The following TASP1 variants were observed in gnomAD, a reference collection of about 807,000 sequenced individuals.
The protein encoded by TASP1 is threonine aspartase 1.
Under a neutral mutation model 56.6 loss-of-function variants are expected in TASP1, and 16 were observed. The observed-to-expected ratio is 0.28, with a 90% CI of 0.19 to 0.43. The LOEUF is 0.43. Ranked by LOEUF, TASP1 falls within the 20% of genes least tolerant of loss-of-function variation. The pLI is 1.00. For synonymous variants in TASP1, 179 were observed against 184.2 expected (o/e 0.97, Z 0.23); for missense variants, 393 against 511.6 (o/e 0.77, Z 2.24).
intron 9 of TASP1, among the ~76,000 whole-genome samples, chr20:13,531,028 T>C (rs2146875884): frequency 6.6e-6 from 1 of 152,302 alleles, no homozygotes; most frequent in Middle Eastern, 3.4e-3. Flanking sequence ...ATAAAGATAA[T>C]GAAAATACCT....
the TASP1 span, among the ~76,000 whole-genome samples, chr20:13,348,186 T>C: frequency 6.6e-6 from 1 of 152,178 alleles, no homozygotes; most frequent in Non-Finnish European, 1.5e-5. Flanking sequence ...GAAACCCTAG[T>C]TTTAAAGATC....
At chr20:13,365,027 T>C in the TASP1 span, among the ~76,000 whole-genome samples, 1 of 152,178 alleles carries the variant, frequency 6.6e-6, no homozygotes, top group Non-Finnish European at 1.5e-5. Context: ...AACAGATCAA[T>C]TTAACTTGAA....
At chr20:13,464,627 T>C (rs944164601) in intron 11 of TASP1, among the ~76,000 whole-genome samples, 2 of 152,188 alleles carry the variant, frequency 1.3e-5, no homozygotes, top group Non-Finnish European at 2.9e-5. Flanking sequence ...AAGGACATTA[T>C]TCTAAGTGAA....
chr20:13,188,962 T>C, the TASP1 span, among the ~76,000 whole-genome samples: 1 of 152,200 alleles, frequency 6.6e-6, no homozygotes, highest in Non-Finnish European at 1.5e-5. Context: ...GTCACTGCAT[T>C]CAAATAAGGC....
the TASP1 span, among the ~76,000 whole-genome samples, chr20:13,311,209 A>AGAT: frequency 1.6e-5 from 2 of 124,042 alleles, no homozygotes; most frequent in Non-Finnish European, 3.5e-5. Flanking sequence ...AAATAGATAT[A>AGAT]GATAGATGAT....
At chr20:13,105,000 C>G in the TASP1 span, among the ~76,000 whole-genome samples, 1 of 152,052 alleles carries the variant, frequency 6.6e-6, no homozygotes, top group African/African-American at 2.4e-5. Flanking sequence ...TAATAAGCAT[C>G]ATTATTTTAA....
chr20:13,618,252 A>T (rs2048591110), intron 4 of TASP1, among the ~76,000 whole-genome samples: 1 of 151,944 alleles, frequency 6.6e-6, no homozygotes, highest in Admixed American at 6.6e-5. Flanking sequence ...TCTACTAAAA[A>T]CACAAAAAAA....
the TASP1 span, among the ~76,000 whole-genome samples, chr20:13,246,777 T>A: frequency 1.3e-5 from 2 of 152,200 alleles, no homozygotes; most frequent in African/African-American, 4.8e-5. Flanking sequence ...CATTCATACC[T>A]TTTCTTTTTT....
intron 11 of TASP1, among the ~76,000 whole-genome samples, chr20:13,443,133 T>C (rs2146246521): frequency 6.6e-6 from 1 of 152,282 alleles, no homozygotes; most frequent in Non-Finnish European, 1.5e-5. Context: ...TCAAAGACTA[T>C]CATGTGGAAC....
At chr20:13,572,260 G>A (rs1294697049) in intron 6 of TASP1, among the ~76,000 whole-genome samples, 1 of 152,104 alleles carries the variant, frequency 6.6e-6, no homozygotes, top group Non-Finnish European at 1.5e-5. Context: ...ATAATAGAGT[G>A]TCAAACTTCT....
At chr20:13,476,578 T>C (rs2042957320) in intron 11 of TASP1, among the ~76,000 whole-genome samples, 1 of 152,182 alleles carries the variant, frequency 6.6e-6, no homozygotes, top group African/African-American at 2.4e-5. Flanking sequence ...TCTTTTCCGC[T>C]GGAATGCAAG....
chr20:13,424,044 A>C (rs1352354607), intron 12 of TASP1, among the ~76,000 whole-genome samples: 2 of 152,160 alleles, frequency 1.3e-5, no homozygotes, highest in East Asian at 1.9e-4. Context: ...TTAAGGCAAA[A>C]TCTGCTATGT....
At chr20:13,485,096 T>C (rs1238370925) in intron 10 of TASP1, among the ~76,000 whole-genome samples, 1 of 152,118 alleles carries the variant, frequency 6.6e-6, no homozygotes, top group Non-Finnish European at 1.5e-5. Context: ...AAACTGCACG[T>C]TCTGCACATG....
At chr20:13,268,766 G>A in the TASP1 span, among the ~76,000 whole-genome samples, 5 of 151,988 alleles carry the variant, frequency 3.3e-5, no homozygotes, top group Admixed American at 1.3e-4. Flanking sequence ...AAATCCATTC[G>A]CAGCTGGGCT....
the TASP1 span, among the ~76,000 whole-genome samples, chr20:13,339,678 T>G: frequency 6.6e-6 from 1 of 152,234 alleles, no homozygotes; most frequent in East Asian, 1.9e-4. Context: ...TGATACAGAA[T>G]AACTCAAGTA....
chr20:13,622,183 A>G (rs1000414231), intron 4 of TASP1, among the ~76,000 whole-genome samples: 2 of 152,222 alleles, frequency 1.3e-5, no homozygotes, highest in African/African-American at 4.8e-5. Flanking sequence ...CACTGTTCTA[A>G]GAGACTGTCA....
chr20:13,419,091 G>C (rs1365285357), intron 12 of TASP1, among the ~76,000 whole-genome samples: 1 of 152,188 alleles, frequency 6.6e-6, no homozygotes, highest in African/African-American at 2.4e-5. Flanking sequence ...GGGTTAGACA[G>C]TAGTGTTGTA....
chr20:13,638,462 G>C (rs1431452046), intron 1 of TASP1, among the ~76,000 whole-genome samples: 5 of 151,536 alleles, frequency 3.3e-5, no homozygotes, highest in Non-Finnish European at 5.9e-5. Flanking sequence ...CGACCCGCAG[G>C]ACTCTCATCA....
the TASP1 span, among the ~76,000 whole-genome samples, chr20:13,344,934 G>A: frequency 1.3e-5 from 2 of 152,066 alleles, no homozygotes; most frequent in Non-Finnish European, 2.9e-5. Context: ...CAGGCTCCCC[G>A]GATTCTGCTG....
Sources: allele counts gnomAD v4.1 joint callset (sites outside exome capture counted in the v4.1 genomes callset), GRCh38; gene constraint gnomAD v4.1.1; transcripts MANE v1.5; gene names NCBI Gene and HGNC (gene_info 2026-07-23, HGNC 2026-07-21).